Variants in MYO5B observed in about 807,000 individuals in gnomAD.
MYO5B encodes unconventional myosin-Vb.
MYO5B carries 143 observed loss-of-function variants against 229.3 expected under a neutral mutation model. The observed-to-expected ratio is 0.62, with a 90% CI of 0.54 to 0.72. The LOEUF is 0.72. Among genes scored for constraint, MYO5B ranks in the 30% least tolerant of loss-of-function variants. The pLI is 0.00. For synonymous variants in MYO5B, 918 were observed against 885.2 expected, an observed-to-expected ratio of 1.04 and a Z score of -0.66; for missense variants, 2,321 against 2,331.0, an observed-to-expected ratio of 1.00 and a Z score of 0.09.
In MYO5B at chr18:49,997,369, C is replaced by CTTTTTTTTTTTTTTTTTTTTTTTT. The variant is rs34011258; in HGVS notation, c.612+3862_612+3885dup. Among the ~76,000 whole-genome samples the CTTTTTTTTTTTTTTTTTTTTTTTT allele has an allele frequency of 6.6e-5, 4 of 60,354 alleles. 1 individual carries two copies. Among genetic ancestry groups the CTTTTTTTTTTTTTTTTTTTTTTTT allele is most frequent in the Admixed American group, 6.1e-4 (2 of 3,278 alleles). The allele number at this position is 60,354 out of a possible 152,430, so 39.6% of individuals were successfully genotyped here. On this transcript the variant is annotated intron_variant, in intron 5 of 39. Transcript: ENST00000285039. ...AGCTTCACTCTAGCCTCCTTTCTTTCTTTTTTTTTTTTTTTTTTTTTTTTT... is the reference window on the plus strand; with the variant it reads ...AGCTTCACTCTAGCCTCCTTTCTTTCTTTTTTTTTTTTTTTTTTTTTTTTTTTTTTTTTTTTTTTTTTTTTTTTT...
chr18:49,920,937 G>A (rs1398318777), intron 17 of MYO5B, among the ~76,000 whole-genome samples: 1 of 152,140 alleles, frequency 6.6e-6, no homozygotes, highest in Non-Finnish European at 1.5e-5. Flanking sequence ...TCACACAAAA[G>A]AGCCAGACCC....
intron 20 of MYO5B, among the ~76,000 whole-genome samples, 179 bp from the exon 21 acceptor site, chr18:49,903,012 G>T (rs542847346): frequency 1.3e-5 from 2 of 152,204 alleles, no homozygotes; most frequent in African/African-American, 4.8e-5. Flanking sequence ...ACATTTCAGC[G>T]AGGTTCTGCG....
intron 9 of MYO5B, among the ~76,000 whole-genome samples, chr18:49,977,213 C>A (rs1456153899): frequency 1.3e-5 from 2 of 152,114 alleles, no homozygotes; most frequent in South Asian, 4.1e-4. Context: ...TAACATCGTA[C>A]AATTACATTT....
intron 32 of MYO5B, 52 bp downstream of exon 32, chr18:49,849,515 G>T (rs374179521): frequency 1.2e-5 from 15 of 1,301,678 alleles, no homozygotes; most frequent in Non-Finnish European, 1.5e-5. Flanking sequence ...ACCCACAGGC[G>T]TGGCCAAGTA....
chr18:49,976,047 T>C (rs1342492846), intron 9 of MYO5B, among the ~76,000 whole-genome samples: 1 of 152,232 alleles, frequency 6.6e-6, no homozygotes, highest in Non-Finnish European at 1.5e-5. Context: ...ATTCATTCTC[T>C]CACCTGTTTT....
intron 1 of MYO5B, among the ~76,000 whole-genome samples, chr18:50,085,816 C>T (rs1017302730): frequency 2.2e-4 from 34 of 151,374 alleles, no homozygotes; most frequent in African/African-American, 6.1e-4. Context: ...ATCACAAGGA[C>T]GAAAAACCAA....
intron 1 of MYO5B, among the ~76,000 whole-genome samples, chr18:50,111,071 G>T (rs1285439234): frequency 6.6e-6 from 1 of 152,136 alleles, no homozygotes; most frequent in Non-Finnish European, 1.5e-5. Context: ...TTCATTCTTT[G>T]GTGGAGACTA....
At chr18:50,107,726 C>G (rs1039933897) in intron 1 of MYO5B, among the ~76,000 whole-genome samples, 4 of 152,180 alleles carry the variant, frequency 2.6e-5, no homozygotes, top group African/African-American at 4.8e-5. Context: ...TAATCATTCT[C>G]TCACTGCTTT....
In MYO5B at chr18:49,864,131, A is replaced by G. The variant is rs757276656; in HGVS notation, c.3843+10T>C. ...CTCGGCAGCCCCACCGCGGGCCGCC[A>G]TCTTGTTACCGCGTTCCTGCCGGCG... On this transcript the variant is annotated intron_variant, in intron 28 of 39. Transcript: ENST00000285039. 1 of 1,606,858 alleles carries G rather than the reference A, an allele frequency of 6.2e-7. No individual in the cohort carries two copies. The highest frequency in any genetic ancestry group is 8.5e-7 in the Non-Finnish European group (1 of 1,179,770).
At chr18:50,078,493 G>T (rs932655180) in intron 1 of MYO5B, among the ~76,000 whole-genome samples, 1 of 152,064 alleles carries the variant, frequency 6.6e-6, no homozygotes, top group Non-Finnish European at 1.5e-5. Context: ...ATTTGTAAAA[G>T]CCCTCAACTT....
chr18:49,921,535 G>A (rs1361715369), intron 17 of MYO5B, among the ~76,000 whole-genome samples: 2 of 152,120 alleles, frequency 1.3e-5, no homozygotes, highest in Non-Finnish European at 2.9e-5. Flanking sequence ...CAAATTGAGT[G>A]ACACATTTTC....
At chr18:49,990,344 A>G in intron 7 of MYO5B, 95 bp downstream of exon 7, 1 of 1,037,842 alleles carries the variant, frequency 9.6e-7, no homozygotes, top group Non-Finnish European at 1.5e-6. Flanking sequence ...CCGAGACAAG[A>G]ACCCATGACG....
At chr18:50,002,378 C>T (rs900150671) in intron 4 of MYO5B, among the ~76,000 whole-genome samples, 24 of 151,726 alleles carry the variant, frequency 1.6e-4, no homozygotes, top group African/African-American at 5.6e-4. Context: ...AGAAACACCT[C>T]TGTAGTTATC....
At chr18:49,842,361 A>G (rs1395299545) in intron 34 of MYO5B, among the ~76,000 whole-genome samples, 2 of 152,204 alleles carry the variant, frequency 1.3e-5, no homozygotes, top group East Asian at 1.9e-4. Context: ...CAATGCAGCT[A>G]CTGAGGGCAG....
At position 50,001,421 on chromosome 18, in the gene MYO5B, A is replaced by G. The variant is rs62620046; in HGVS notation, c.456-10T>C. Reference sequence around the variant, plus strand: ...CTGATTCTTCTCATCTCTGGAAGGAAAAAAGCTCTGATAAGTCATTGGCCA... The same window carrying G: ...CTGATTCTTCTCATCTCTGGAAGGAGAAAAGCTCTGATAAGTCATTGGCCA... On this transcript the variant is annotated splice_polypyrimidine_tract_variant and intron_variant, in intron 4 of 39. Transcript: ENST00000285039. 0.032 allele frequency: 51,401 copies of G among 1,613,948 alleles called. 1,114 individuals carry two copies. The highest frequency in any genetic ancestry group is 0.092 in the African/African-American group (6,886 of 75,022).
rs796569783 is a variant in MYO5B at position 49,904,588 on chromosome 18, CAG to C, written c.2571+82_2571+83del. 1.4e-5 allele frequency: 22 copies of C among 1,567,192 alleles called. No homozygotes were observed. The African/African-American group carries it at 2.6e-4, about 18-fold the overall frequency. On this transcript the variant is annotated intron_variant, in intron 20 of 39. Coordinates refer to ENST00000285039, the MANE Select transcript of MYO5B (RefSeq NM_001080467.3). Reference sequence around the variant, plus strand: ...TTAGAAAAAAGTTGGGAGTGCTTGACAGAGGTTCACGTTGGCAGTAATTCATC... The same window carrying C: ...TTAGAAAAAAGTTGGGAGTGCTTGACAGGTTCACGTTGGCAGTAATTCATC...
rs1316376127 is a variant in MYO5B at position 49,825,269 on chromosome 18, A to G, written c.*1202T>C. 1 of 152,210 alleles carries G rather than the reference A, an allele frequency of 6.6e-6. No homozygotes were observed. Among genetic ancestry groups the G allele is most frequent in the East Asian group, 1.9e-4 (1 of 5,192 alleles). 9.4% of individuals were successfully genotyped at this position (152,210 alleles called of 1,614,324 possible). Reference sequence around the variant, plus strand: ...TTAAAAAAAATTCTAAGAGCAGCAAACATCTAAGCCTGTTATATTACTGAA... The same window carrying G: ...TTAAAAAAAATTCTAAGAGCAGCAAGCATCTAAGCCTGTTATATTACTGAA... On this transcript the variant is annotated 3_prime_UTR_variant, in exon 40 of 40. Coordinates refer to ENST00000285039, the MANE Select transcript of MYO5B (RefSeq NM_001080467.3).
At chr18:50,190,073 G>C (rs1287371855) in intron 1 of MYO5B, among the ~76,000 whole-genome samples, 1 of 152,180 alleles carries the variant, frequency 6.6e-6, no homozygotes, top group Non-Finnish European at 1.5e-5. Context: ...CAAGGCACCA[G>C]TTTCAATTTG....
At position 49,864,367 on chromosome 18, in the gene MYO5B, T is replaced by C; in HGVS notation, c.3617A>G (p.Glu1206Gly). Residue 1206 changes from glutamate to glycine, a missense_variant, in exon 28 of 40, where the codon GAG (glutamate) becomes GGG (glycine). Physicochemically the swap from Glu to Gly is moderately conservative, Grantham distance 98 (BLOSUM62 -2). This residue lies in a region of MYO5B where 2,113 missense variants were observed against 2,044.7 expected (regional missense o/e 1.03). Coordinates refer to ENST00000285039, the MANE Select transcript of MYO5B (RefSeq NM_001080467.3). Reference protein sequence around the residue: ...AYNSLKRQELESENKKLKNDL... With the variant: ...AYNSLKRQELGSENKKLKNDL... Reference sequence around the variant, plus strand: ...ATTCTTCAGCTTTTTGTTCTCTGACTCCAGCTCTTGCCTCTGGAAGACAGC... The same window carrying C: ...ATTCTTCAGCTTTTTGTTCTCTGACCCCAGCTCTTGCCTCTGGAAGACAGC... 6.2e-7 allele frequency: 1 copy of C among 1,613,610 alleles called. No individual in the cohort carries two copies. Among genetic ancestry groups the C allele is most frequent in the Non-Finnish European group, 8.5e-7 (1 of 1,180,048 alleles).
Sources: allele counts gnomAD v4.1 joint callset (sites outside exome capture counted in the v4.1 genomes callset), GRCh38; gene constraint gnomAD v4.1.1; regional missense constraint gnomAD v4.1.1; transcripts MANE v1.5; gene names NCBI Gene and HGNC (gene_info 2026-07-23, HGNC 2026-07-21).